FAM184A: variants seen among roughly 807,000 people sequenced by gnomAD.
The protein encoded by FAM184A is family with sequence similarity 184 member A, also known as protein FAM184A.
A neutral mutation model predicts 143.8 loss-of-function variants in FAM184A; 99 were observed. The observed-to-expected ratio is 0.69, with a 90% CI of 0.58 to 0.81. The LOEUF (loss-of-function observed/expected upper bound fraction) is 0.81. Among genes scored for constraint, FAM184A ranks in the 40% least tolerant of loss-of-function variants. FAM184A has a pLI of 0.00. For missense variants in FAM184A, 1,217 were observed against 1,310.5 expected (o/e 0.93, Z 1.10); for synonymous variants, 427 against 446.4 (o/e 0.96, Z 0.55).
At chr6:118,970,008 A>ATATATATATATATATATATTTTTTT in intron 14 of FAM184A, among the ~76,000 whole-genome samples, 3 of 19,048 alleles carry the variant, frequency 1.6e-4, no homozygotes, top group Non-Finnish European at 2.3e-4. Flanking sequence ...ATATATATAT[A>ATATATATATATATATATATTTTTTT]TTTTTTTTTT....
intron 17 of FAM184A, among the ~76,000 whole-genome samples, chr6:118,961,324 C>A (rs1783316138): frequency 6.9e-6 from 1 of 144,698 alleles, no homozygotes; most frequent in African/African-American, 2.5e-5. Flanking sequence ...TGACAATAAG[C>A]ATATATATAT....
chr6:119,117,837 C>T (rs777458989), intron 1 of FAM184A, among the ~76,000 whole-genome samples: 2 of 151,996 alleles, frequency 1.3e-5, no homozygotes, highest in African/African-American at 2.4e-5. Flanking sequence ...GTGGAGTCTG[C>T]CTTTTAGTGC....
intron 1 of FAM184A, among the ~76,000 whole-genome samples, chr6:119,118,480 A>G (rs1264295662): frequency 6.6e-6 from 1 of 152,210 alleles, no homozygotes; most frequent in Non-Finnish European, 1.5e-5. Context: ...CCCCAAACAG[A>G]GGGACTGGCT....
intron 9 of FAM184A, 87 bp downstream of exon 9, chr6:119,002,812 C>A: frequency 8.4e-7 from 1 of 1,188,900 alleles, no homozygotes; most frequent in South Asian, 1.9e-5. Context: ...TAACAAAATT[C>A]AGTGAATTAA....
chr6:119,014,866 C>T (rs1785190321), intron 5 of FAM184A, among the ~76,000 whole-genome samples: 1 of 152,016 alleles, frequency 6.6e-6, no homozygotes, highest in African/African-American at 2.4e-5. Context: ...CGAGACCAGC[C>T]TGGCCAACAT....
upstream of FAM184A, among the ~76,000 whole-genome samples, chr6:119,080,298 G>A (rs1788023032): frequency 6.6e-6 from 1 of 152,204 alleles, no homozygotes; most frequent in African/African-American, 2.4e-5. Context: ...CCACTGAAAA[G>A]AGATGGTGTT....
intron 1 of FAM184A, among the ~76,000 whole-genome samples, chr6:119,125,923 T>C (rs1397515725): frequency 6.6e-6 from 1 of 152,246 alleles, no homozygotes; most frequent in Admixed American, 6.5e-5. Context: ...CTATTCATTT[T>C]CTATTACTGC....
chr6:118,981,617 T>C (rs1323779773), intron 9 of FAM184A, among the ~76,000 whole-genome samples: 1 of 151,940 alleles, frequency 6.6e-6, no homozygotes, highest in Non-Finnish European at 1.5e-5. Flanking sequence ...GAGGAAAGAA[T>C]CATTAATTGG....
At position 119,024,645 on chromosome 6, in the gene FAM184A, C is replaced by T. The variant is rs755415584; in HGVS notation, c.328G>A (p.Val110Ile). 3.7e-6 allele frequency: 6 copies of T among 1,613,926 alleles called. No individual in the cohort carries two copies. The highest frequency in any genetic ancestry group is 1.3e-5 in the African/African-American group (1 of 74,912). Residue 110 changes from valine (V) to isoleucine (I), a missense_variant, in exon 2 of 18, where the codon GTT becomes ATT. Transcript: ENST00000338891. ...EELDLRRKIQVLESSLEDHIK... is the reference protein window; with the variant it reads ...EELDLRRKIQILESSLEDHIK... ...TGATCTTCTAATGATGATTCTAAAA[C>T]TTGAATCTTTCTTCTAAGGTCTAGC...
intron 4 of FAM184A, 120 bp downstream of exon 4, chr6:119,019,858 T>C: frequency 2.3e-6 from 2 of 880,196 alleles, no homozygotes; most frequent in East Asian, 2.8e-5. Flanking sequence ...CAAAAATAAC[T>C]ACTAAAGTAG....
chr6:119,148,048 A>G (rs1446274975), intron 1 of FAM184A, among the ~76,000 whole-genome samples: 2 of 152,104 alleles, frequency 1.3e-5, no homozygotes, highest in East Asian at 3.9e-4. Flanking sequence ...GTCTTTGTCT[A>G]TTTCCATGGA....
At chr6:119,147,917 C>G (rs1772506728) in intron 1 of FAM184A, among the ~76,000 whole-genome samples, 1 of 152,220 alleles carries the variant, frequency 6.6e-6, no homozygotes, top group African/African-American at 2.4e-5. Context: ...TTTTTCCACT[C>G]TAAAGCTTTC....
At chr6:119,101,683 T>C (rs1788640843) in intron 1 of FAM184A, among the ~76,000 whole-genome samples, 1 of 152,194 alleles carries the variant, frequency 6.6e-6, no homozygotes, top group Non-Finnish European at 1.5e-5. Flanking sequence ...ATATGAATCT[T>C]TTGTATTCAT....
chr6:118,965,205 G>GT (rs5879475), intron 15 of FAM184A, among the ~76,000 whole-genome samples: 111,600 of 130,730 alleles, frequency 0.85, 46,686 homozygotes, highest in East Asian at 0.97. Context: ...TTTTTTGTTT[G>GT]TTTTTTTTTT....
At chr6:119,087,720 G>A (rs1400912071) in intron 1 of FAM184A, among the ~76,000 whole-genome samples, 1 of 152,164 alleles carries the variant, frequency 6.6e-6, no homozygotes, top group Non-Finnish European at 1.5e-5. Flanking sequence ...CAGAATTACT[G>A]TATGATTCAG....
intron 1 of FAM184A, among the ~76,000 whole-genome samples, chr6:119,054,816 T>C (rs563285994): frequency 6.6e-6 from 1 of 152,332 alleles, no homozygotes; most frequent in Non-Finnish European, 1.5e-5. Context: ...ATAGGTCCTA[T>C]ACTCAGGAAT....
intron 9 of FAM184A, among the ~76,000 whole-genome samples, chr6:118,983,699 T>G (rs1410408512): frequency 6.6e-6 from 1 of 152,122 alleles, no homozygotes; most frequent in East Asian, 1.9e-4. Flanking sequence ...GTGCCAGACA[T>G]TTTAGAGACA....
intron 1 of FAM184A, among the ~76,000 whole-genome samples, chr6:119,123,414 A>G (rs770524240): frequency 2.6e-5 from 4 of 151,646 alleles, no homozygotes; most frequent in Non-Finnish European, 5.9e-5. Flanking sequence ...CAAACAAACA[A>G]ACAAAAACAA....
At chr6:119,005,726 T>C (rs1784896783) in intron 7 of FAM184A, 1 of 183,914 alleles carries the variant, frequency 5.4e-6, no homozygotes, top group South Asian at 1.6e-4. Flanking sequence ...ACCATCTCTC[T>C]GAAGGAAAAG....
Sources: gnomAD v4.1 joint callset for allele counts (sites outside exome capture counted in the v4.1 genomes callset) on GRCh38, gnomAD v4.1.1 for gene constraint, MANE v1.5 for transcripts, NCBI Gene and HGNC (gene_info 2026-07-23, HGNC 2026-07-21) for gene names.